The following OSBPL11 variants were observed in gnomAD, a reference collection of about 807,000 sequenced individuals.
OSBPL11 encodes oxysterol-binding protein-related protein 11.
OSBPL11 carries 33 observed loss-of-function variants against 84.4 expected under a neutral mutation model. The ratio of observed to expected loss-of-function variants is 0.39; its 90% CI spans 0.30 to 0.52. OSBPL11 has a LOEUF of 0.52. Among genes scored for constraint, OSBPL11 ranks in the 20% least tolerant of loss-of-function variants. OSBPL11 has a pLI of 0.72. For missense variants in OSBPL11, 736 were observed against 901.1 expected (o/e 0.82, Z 2.35); for synonymous variants, 276 against 310.2 (o/e 0.89, Z 1.16).
At chr3:125,588,208 T>C (rs1294331922) in intron 1 of OSBPL11, among the ~76,000 whole-genome samples, 2 of 120,792 alleles carry the variant, frequency 1.7e-5, no homozygotes, top group Non-Finnish European at 3.3e-5. Flanking sequence ...GGCGTCAGAG[T>C]AAGACCCTGT....
intron 5 of OSBPL11, among the ~76,000 whole-genome samples, chr3:125,574,882 A>G (rs987607654): frequency 6.6e-6 from 1 of 152,230 alleles, no homozygotes; most frequent in Admixed American, 6.5e-5. Flanking sequence ...AGATCCATTC[A>G]AAGTGCAGGA....
chr3:125,567,271 C>A, intron 6 of OSBPL11, 123 bp downstream of exon 6: 1 of 804,776 alleles, frequency 1.2e-6, no homozygotes, highest in South Asian at 1.8e-5. Flanking sequence ...TAAAAACCAA[C>A]AGGCTCTGGT....
chr3:125,549,716 G>A (rs1038084947), intron 9 of OSBPL11, among the ~76,000 whole-genome samples: 1 of 151,950 alleles, frequency 6.6e-6, no homozygotes, highest in South Asian at 2.1e-4. Context: ...CAAACTCCTG[G>A]GTTCAAGCTA....
intron 5 of OSBPL11, among the ~76,000 whole-genome samples, chr3:125,572,714 T>G (rs1386839845): frequency 6.6e-6 from 1 of 151,852 alleles, no homozygotes; most frequent in Non-Finnish European, 1.5e-5. Flanking sequence ...TCTCCATTCA[T>G]GTGGAACTGT....
Position 125,532,731 on chromosome 3 carries a change from TG to T in OSBPL11, c.2025-718del, listed in dbSNP as rs1374339029. Among the ~76,000 whole-genome samples the T allele has an allele frequency of 7.2e-5, 11 of 152,154 alleles. No homozygotes were observed. In the South Asian group the frequency reaches 1.5e-3, roughly 20 times the overall value. On this transcript the variant is annotated intron_variant, in intron 11 of 12. Coordinates refer to ENST00000296220, the MANE Select transcript of OSBPL11 (RefSeq NM_022776.5). ...ACCATAAACCCAGCAATTCCACTCC[TG>T]GGTATTTACCCAAGAAAAATGAAAA...
chr3:125,565,616 G>A (rs895869023), intron 6 of OSBPL11, among the ~76,000 whole-genome samples: 2 of 152,128 alleles, frequency 1.3e-5, no homozygotes, highest in African/African-American at 4.8e-5. Flanking sequence ...TATATCAACA[G>A]TGGTGGTTTC....
chr3:125,556,576 G>A (rs186137967), intron 8 of OSBPL11, among the ~76,000 whole-genome samples: 128 of 152,244 alleles, frequency 8.4e-4, no homozygotes, highest in African/African-American at 2.9e-3. Context: ...TCACAACTTT[G>A]CCTTATAATT....
chr3:125,594,706 C>T lies in OSBPL11; in HGVS notation c.95G>A (p.Ser32Asn). Residue 32 changes from serine to asparagine, a missense_variant, in exon 1 of 13, where the codon AGC becomes AAC. Ser to Asn is a conservative substitution (Grantham distance 46, BLOSUM62 1). Coordinates refer to ENST00000296220, the MANE Select transcript of OSBPL11 (RefSeq NM_022776.5). The part of the protein sequence containing the change: ...QATAVTPNKN[S>N]SCGGGISSSS... ...GCTACTGATTCCACCTCCACAGCTG[C>T]TGTTCTTGTTCGGGGTCACCGCTGT... The T allele has an allele frequency of 8.7e-6, 14 of 1,614,188 alleles. No homozygotes were observed. Among genetic ancestry groups the T allele is most frequent in the East Asian group, 2.2e-5 (1 of 44,878 alleles).
At chr3:125,539,734 C>A (rs1239379464) in intron 10 of OSBPL11, among the ~76,000 whole-genome samples, 2 of 152,148 alleles carry the variant, frequency 1.3e-5, no homozygotes, top group Non-Finnish European at 2.9e-5. Flanking sequence ...CAGGCGTGAG[C>A]CACTGCGCCT....
chr3:125,543,407 C>T (rs1036257407), intron 10 of OSBPL11, among the ~76,000 whole-genome samples: 5 of 151,686 alleles, frequency 3.3e-5, no homozygotes, highest in African/African-American at 1.2e-4. Flanking sequence ...ACTGAGATTA[C>T]AGGCATGAGC....
intron 7 of OSBPL11, among the ~76,000 whole-genome samples, chr3:125,563,449 T>A (rs61013029): frequency 0.025 from 3,744 of 152,294 alleles, 132 homozygotes; most frequent in African/African-American, 0.076. Flanking sequence ...TTTCAATTTT[T>A]AAAATATATT....
intron 5 of OSBPL11, among the ~76,000 whole-genome samples, chr3:125,573,219 G>GA (rs1213545980): frequency 1.3e-5 from 2 of 151,616 alleles, no homozygotes; most frequent in African/African-American, 2.4e-5. Flanking sequence ...AAAAAAAAAA[G>GA]AAAACTTCAA....
At chr3:125,534,137 T>C (rs975814430) in intron 11 of OSBPL11, among the ~76,000 whole-genome samples, 1 of 152,126 alleles carries the variant, frequency 6.6e-6, no homozygotes, top group Non-Finnish European at 1.5e-5. Flanking sequence ...TTCTAGCACT[T>C]TGGGAGGCCG....
At chr3:125,571,070 A>G (rs1311091774) in intron 5 of OSBPL11, among the ~76,000 whole-genome samples, 1 of 152,204 alleles carries the variant, frequency 6.6e-6, no homozygotes, top group Non-Finnish European at 1.5e-5. Flanking sequence ...AGCAATATGG[A>G]CAATAGTGTC....
chr3:125,531,293 CTTTTTTT>C (rs774229724), intron 12 of OSBPL11, among the ~76,000 whole-genome samples: 9,945 of 131,456 alleles, frequency 0.076, 441 homozygotes, highest in Non-Finnish European at 0.11. Context: ...GCTCATTTTT[CTTTTTTT>C]TTTTTTTGGA....
rs1936376937 is a variant in OSBPL11 at position 125,578,958 on chromosome 3, A to G, written c.489+2T>C. ...ATTAATATTGTATATAAATCTACAT[A>G]CCTTTCCAATAGCTTCAGTATGATG... On this transcript the variant is annotated splice_donor_variant, in intron 4 of 12. Coordinates refer to ENST00000296220, the MANE Select transcript of OSBPL11 (RefSeq NM_022776.5). LOFTEE classifies it high-confidence loss of function. 3 of 1,536,960 alleles carry G rather than the reference A, an allele frequency of 2.0e-6. No individual in the cohort carries two copies. The highest frequency in any genetic ancestry group is 2.6e-6 in the Non-Finnish European group (3 of 1,138,012).
At chr3:125,532,589 AAAAC>A (rs1935575930) in intron 11 of OSBPL11, among the ~76,000 whole-genome samples, 1 of 150,494 alleles carries the variant, frequency 6.6e-6, no homozygotes, top group African/African-American at 2.5e-5. Context: ...AAAAAAAAAA[AAAAC>A]AAAAAAAAAC....
chr3:125,530,943 CCT>C (rs1935545963), intron 12 of OSBPL11, among the ~76,000 whole-genome samples: 1 of 152,038 alleles, frequency 6.6e-6, no homozygotes, highest in African/African-American at 2.4e-5. Context: ...AACTGTTCTC[CCT>C]GTCTCCACTG....
At chr3:125,557,791 CTTTT>C (rs11295103) in intron 8 of OSBPL11, among the ~76,000 whole-genome samples, 6 of 81,950 alleles carry the variant, frequency 7.3e-5, no homozygotes, top group South Asian at 4.3e-4. Context: ...ATACAACTTT[CTTTT>C]TTTTTTTTTT....
Sources: allele counts gnomAD v4.1 joint callset (sites outside exome capture counted in the v4.1 genomes callset), GRCh38; gene constraint gnomAD v4.1.1; transcripts MANE v1.5; gene names NCBI Gene and HGNC (gene_info 2026-07-23, HGNC 2026-07-21).